The following MDN1 variants were observed in gnomAD, a reference collection of about 807,000 sequenced individuals.
The protein encoded by MDN1 is midasin AAA ATPase 1.
A neutral mutation model predicts 669.2 loss-of-function variants in MDN1; 266 were observed. That is an observed-to-expected ratio of 0.40 (90% CI 0.36 to 0.44). The LOEUF (loss-of-function observed/expected upper bound fraction) is 0.44. MDN1 is among the 20% of genes least tolerant of loss of function. The pLI is 1.00. For synonymous variants in MDN1, 2,385 were observed against 2,457.1 expected (o/e 0.97, Z 0.87); for missense variants, 5,940 against 6,754.0 (o/e 0.88, Z 4.22).
intron 34 of MDN1, among the ~76,000 whole-genome samples, chr6:89,731,289 A>G (rs542464542): frequency 1.1e-3 from 160 of 152,360 alleles, no homozygotes; most frequent in Non-Finnish European, 1.9e-3. Flanking sequence ...CAGGCCCATT[A>G]TCAAAAAATT....
At chr6:89,802,013 T>G (rs779764306) in intron 2 of MDN1, among the ~76,000 whole-genome samples, 7 of 152,094 alleles carry the variant, frequency 4.6e-5, no homozygotes, top group Admixed American at 6.6e-5. Context: ...ATTCTAACTT[T>G]CTGAAACTGT....
chr6:89,762,252 A>G, intron 16 of MDN1, 67 bp downstream of exon 16: 1 of 1,348,844 alleles, frequency 7.4e-7, no homozygotes, highest in South Asian at 1.3e-5. Flanking sequence ...CTCTTCCCCA[A>G]AACTAATATG....
Position 89,695,658 on chromosome 6 carries a change from G to T in MDN1, c.9718C>A (p.Arg3240Ser), listed in dbSNP as rs115205638. The change falls in exon 61 of 102, where the codon CGC becomes AGC. Residue 3240 changes from arginine (R) to serine (S), a missense_variant. By Grantham distance (110) the Arg-to-Ser change is moderately radical (BLOSUM62 -1). This residue lies in a region of MDN1 where 2,292 missense variants were observed against 2,638.3 expected (regional missense o/e 0.87). Coordinates refer to ENST00000369393, the MANE Select transcript of MDN1 (RefSeq NM_014611.3). The surrounding 1 kb of genome is among the most constrained non-coding windows in gnomAD (Gnocchi z 4.1). The part of the protein sequence containing the change: ...LQIQTWLPQA[R>S]FDPAVKREYK... Reference sequence around the variant, plus strand: ...TCCCTCTTCACCGCAGGGTCAAAGCGTGCCTGGGGAAGCCATGTCTGAATC... The same window carrying T: ...TCCCTCTTCACCGCAGGGTCAAAGCTTGCCTGGGGAAGCCATGTCTGAATC... 1.2e-6 allele frequency: 2 copies of T among 1,612,802 alleles called. No individual in the cohort carries two copies. Among genetic ancestry groups the T allele is most frequent in the African/African-American group, 1.3e-5 (1 of 75,034 alleles).
In MDN1 at chr6:89,712,149, G is replaced by A. The variant is rs760683310; in HGVS notation, c.7538C>T (p.Pro2513Leu). 32 of 1,613,908 alleles carry A rather than the reference G, an allele frequency of 2.0e-5. No homozygotes were observed. Among genetic ancestry groups the A allele is most frequent in the African/African-American group, 2.7e-5 (2 of 74,876 alleles). ...TTTAACAGCCATGACCAAAACATCT[G>A]GTTCATCGATCCAGTAAGTATTCAC... ...VEVNTYWIDE[P>L]DVLVMAVKLL... Residue 2513 changes from proline to leucine, a missense_variant, in exon 49 of 102, where the codon CCA becomes CTA. Around this residue, in one of 5 missense-constraint regions of MDN1, gnomAD observed 2,292 missense variants for 2,638.3 expected, o/e 0.87. Transcript: ENST00000369393.
intron 99 of MDN1, among the ~76,000 whole-genome samples, chr6:89,647,158 C>G (rs1441653617): frequency 6.6e-6 from 1 of 152,114 alleles, no homozygotes; most frequent in Non-Finnish European, 1.5e-5. Context: ...GGAAGATACC[C>G]CAAAGGAAAA....
chr6:89,722,117 C>T (rs113615693), intron 40 of MDN1, among the ~76,000 whole-genome samples: 97 of 152,252 alleles, frequency 6.4e-4, no homozygotes, highest in African/African-American at 2.0e-3. Flanking sequence ...GAGCATTCAG[C>T]GAGACAGGAT....
At chr6:89,690,430 G>A (rs556689540) in intron 64 of MDN1, among the ~76,000 whole-genome samples, 1 of 152,092 alleles carries the variant, frequency 6.6e-6, no homozygotes, top group East Asian at 1.9e-4. Flanking sequence ...AAACGGCAGG[G>A]TGTGGTAGCA....
At chr6:89,765,901 A>G (rs1190044982) in intron 15 of MDN1, among the ~76,000 whole-genome samples, 1 of 152,258 alleles carries the variant, frequency 6.6e-6, no homozygotes, top group Non-Finnish European at 1.5e-5. Flanking sequence ...GAGAGTTAAT[A>G]GATAATTAAT....
In MDN1 at chr6:89,672,197, T is replaced by C; in HGVS notation, c.13794+3A>G. The C allele has an allele frequency of 6.4e-7, 1 of 1,574,014 alleles. No homozygotes were observed. The highest frequency in any genetic ancestry group is 1.7e-4 in the Middle Eastern group (1 of 5,898). ...AAGAAGTTTGTAAAGAACAGTTAGT[T>C]ACCAGGTGCTTTGCTGCTGTGCCAT... is the stretch of plus-strand genomic sequence containing the variant. On this transcript the variant is annotated splice_donor_region_variant and intron_variant, in intron 82 of 101. Coordinates refer to ENST00000369393, the MANE Select transcript of MDN1 (RefSeq NM_014611.3).
At chr6:89,667,642 C>T (rs1584129975) in intron 84 of MDN1, among the ~76,000 whole-genome samples, 2 of 152,226 alleles carry the variant, frequency 1.3e-5, no homozygotes, top group South Asian at 2.1e-4. Flanking sequence ...ACAGTAAAAC[C>T]TATTAACAGC....
Position 89,688,749 on chromosome 6 carries a change from T to G in MDN1, c.11083A>C (p.Asn3695His), listed in dbSNP as rs115156422. The G allele has an allele frequency of 3.1e-6, 5 of 1,614,098 alleles. No individual in the cohort carries two copies. The African/African-American group carries it at 6.7e-5, about 22-fold the overall frequency. The change falls in exon 66 of 102, where the codon AAC becomes CAC. Residue 3695 changes from asparagine to histidine, a missense_variant. This residue lies in a region of MDN1 where 2,280 missense variants were observed against 2,576.3 expected (regional missense o/e 0.88). Coordinates refer to ENST00000369393, the MANE Select transcript of MDN1 (RefSeq NM_014611.3). Reference sequence around the variant, plus strand: ...GAGGGTGCCTCCCCAAAAAGAGTGTTATGGGAGAGGGTACAGGCCAAAAGT... The same window carrying G: ...GAGGGTGCCTCCCCAAAAAGAGTGTGATGGGAGAGGGTACAGGCCAAAAGT... ...SQLLACTLSH[N>H]TLFGEAPSDL...
At chr6:89,667,225 T>C (rs2128302691) in intron 84 of MDN1, among the ~76,000 whole-genome samples, 1 of 152,224 alleles carries the variant, frequency 6.6e-6, no homozygotes, top group East Asian at 1.9e-4. Flanking sequence ...TGATTTAGAT[T>C]TGAGAAATAC....
intron 68 of MDN1, 91 bp from the exon 69 acceptor site, chr6:89,687,114 C>G (rs991967094): frequency 1.5e-5 from 24 of 1,552,318 alleles, no homozygotes; most frequent in Non-Finnish European, 2.0e-5. Flanking sequence ...TCACATTTCT[C>G]TCCTCCCAAA....
At chr6:89,723,444 T>C (rs1367692838) in intron 39 of MDN1, 68 bp downstream of exon 39, 3 of 984,614 alleles carry the variant, frequency 3.0e-6, no homozygotes, top group Non-Finnish European at 4.4e-6. Context: ...GGTAGAACTC[T>C]ATGTTGAAAA....
rs201857636 is a variant in MDN1 at position 89,812,942 on chromosome 6, ATTT to A, written c.102+6561_102+6563del. The stretch of plus-strand genomic sequence containing the variant: ...AGTGAGACTCCCCATCTCTACAAAA[ATTT>A]TTTTTTTTTTTTGAGACGGAGTTTC... On this transcript the variant is annotated intron_variant, in intron 1 of 101. Coordinates refer to ENST00000369393, the MANE Select transcript of MDN1 (RefSeq NM_014611.3). 1.6e-4 allele frequency among the ~76,000 whole-genome samples: 23 copies of A among 144,296 alleles called. 1 individual carries two copies. The South Asian group carries it at 4.5e-3, about 28-fold the overall frequency. 94.7% of individuals were successfully genotyped at this position (144,296 alleles called of 152,430 possible). A position where few individuals can be genotyped will look rare whatever the true frequency, so the allele number is the denominator to read the frequency against.
Position 89,690,493 on chromosome 6 carries a change from G to A in MDN1, c.10749+180C>T, listed in dbSNP as rs995468675. Among the ~76,000 whole-genome samples the A allele has an allele frequency of 2.0e-5, 3 of 152,106 alleles. No homozygotes were observed. The East Asian group carries it at 5.8e-4, about 29-fold the overall frequency. On this transcript the variant is annotated intron_variant, in intron 64 of 101. Coordinates refer to ENST00000369393, the MANE Select transcript of MDN1 (RefSeq NM_014611.3). ...GGATTGTTTGAGCCCAGGAGTTTGA[G>A]GCTGCAGTGAGCTATGATTGCGCCA... is the stretch of plus-strand genomic sequence containing the variant.
rs561022086 is a variant in MDN1 at position 89,751,308 on chromosome 6, T to C, written c.3227+123A>G. On this transcript the variant is annotated intron_variant, in intron 23 of 101. Transcript: ENST00000369393. ...AAGTTATAGTACTGACTTTTGTAAG[T>C]AATTGTTCAGTTGGCCAATGAATAA... 2.1e-5 allele frequency: 26 copies of C among 1,248,044 alleles called. No homozygotes were observed. In the African/African-American group the frequency reaches 3.2e-4, roughly 15 times the overall value. 77.3% of individuals were successfully genotyped at this position (1,248,044 alleles called of 1,614,324 possible). A position where few individuals can be genotyped will look rare whatever the true frequency, so the allele number is the denominator to read the frequency against.
Position 89,745,266 on chromosome 6 carries a change from T to A in MDN1, c.4178+7A>T, listed in dbSNP as rs753233973. On this transcript the variant is annotated splice_region_variant and intron_variant, in intron 29 of 101. Coordinates refer to ENST00000369393, the MANE Select transcript of MDN1 (RefSeq NM_014611.3). The stretch of plus-strand genomic sequence containing the variant: ...AACCCTCATGAGTCACTGTCACAGA[T>A]CTTTACCCAGTGTCTCCAACCAGCA... 113 of 1,613,388 alleles carry A rather than the reference T, an allele frequency of 7.0e-5. No homozygotes were observed. The highest frequency in any genetic ancestry group is 9.4e-5 in the Non-Finnish European group (111 of 1,179,760).
chr6:89,758,426 C>A, intron 18 of MDN1, 75 bp from the exon 19 acceptor site: 1 of 1,166,586 alleles, frequency 8.6e-7, no homozygotes, highest in Non-Finnish European at 1.2e-6. Flanking sequence ...CCCAGCCAGC[C>A]TGATGCTGGC....
Sources: allele counts gnomAD v4.1 joint callset (sites outside exome capture counted in the v4.1 genomes callset), GRCh38; gene constraint gnomAD v4.1.1; regional missense constraint gnomAD v4.1.1; non-coding constraint Gnocchi (gnomAD v3.1); transcripts MANE v1.5; gene names NCBI Gene and HGNC (gene_info 2026-07-23, HGNC 2026-07-21).